The following NRG1 variants were observed in gnomAD, a reference collection of about 807,000 sequenced individuals.
NRG1 encodes the protein neuregulin 1.
In NRG1, 18 loss-of-function variants were observed where a neutral mutation model predicts 63.8. That is an observed-to-expected ratio of 0.28 (90% CI 0.19 to 0.42). The LOEUF (loss-of-function observed/expected upper bound fraction) is 0.42, where lower values mean the gene tolerates loss of function less well. NRG1 is among the 10% of genes least tolerant of loss of function. The pLI, the probability that NRG1 is intolerant of heterozygous loss-of-function variation, is 1.00. For missense variants in NRG1, 762 were observed against 814.7 expected (o/e 0.94, Z 0.79); for synonymous variants, 302 against 301.3 (o/e 1.00, Z -0.02).
chr8:31,800,760 G>A (rs1023407553), intron 1 of NRG1, among the ~76,000 whole-genome samples: 1 of 151,112 alleles, frequency 6.6e-6, no homozygotes, highest in African/African-American at 2.4e-5. Context: ...AAAGAAAAAT[G>A]TCGAATTTAA....
intron 1 of NRG1, among the ~76,000 whole-genome samples, chr8:31,962,140 T>C (rs1270135714): frequency 6.6e-6 from 1 of 152,190 alleles, no homozygotes; most frequent in African/African-American, 2.4e-5. Context: ...TAAAATGGCA[T>C]GTTTAGGGAA....
chr8:31,919,672 G>A (rs1008726646), intron 1 of NRG1, among the ~76,000 whole-genome samples: 1 of 152,038 alleles, frequency 6.6e-6, no homozygotes, highest in African/African-American at 2.4e-5. Flanking sequence ...TCACAATGTT[G>A]TGAAGAACAC....
At chr8:32,182,557 C>T (rs1305921378) in intron 1 of NRG1, among the ~76,000 whole-genome samples, 1 of 152,138 alleles carries the variant, frequency 6.6e-6, no homozygotes, top group Non-Finnish European at 1.5e-5. Flanking sequence ...CCACAGGCTT[C>T]ACAGTCAGTA....
intron 1 of NRG1, among the ~76,000 whole-genome samples, chr8:31,884,102 A>G (rs1830550157): frequency 6.6e-6 from 1 of 152,010 alleles, no homozygotes; most frequent in Non-Finnish European, 1.5e-5. Flanking sequence ...CCCCCAATGA[A>G]TTTTTACATT....
At chr8:32,051,906 G>C (rs1169244074) in intron 1 of NRG1, among the ~76,000 whole-genome samples, 3 of 152,174 alleles carry the variant, frequency 2.0e-5, no homozygotes, top group African/African-American at 7.2e-5. Context: ...GCAGCGGGGA[G>C]GTGGATAAGT....
intron 1 of NRG1, among the ~76,000 whole-genome samples, chr8:32,243,373 T>C (rs1051217879): frequency 1.3e-5 from 2 of 150,684 alleles, no homozygotes; most frequent in Admixed American, 1.3e-4. Context: ...GACGTTGCAG[T>C]GAGCTGAGAT....
intron 1 of NRG1, among the ~76,000 whole-genome samples, chr8:31,874,875 T>C (rs1458478331): frequency 6.6e-6 from 1 of 152,174 alleles, no homozygotes; most frequent in Non-Finnish European, 1.5e-5. Flanking sequence ...TCCTTTGTGA[T>C]GAATCAGATG....
chr8:32,282,732 C>A (rs772255128), intron 1 of NRG1, among the ~76,000 whole-genome samples: 1 of 152,028 alleles, frequency 6.6e-6, no homozygotes, highest in Admixed American at 6.5e-5. Context: ...ACCCACCTGG[C>A]CTTTAATAGA....
intron 1 of NRG1, among the ~76,000 whole-genome samples, chr8:31,899,001 T>G (rs746229669): frequency 1.3e-4 from 20 of 152,196 alleles, no homozygotes; most frequent in Admixed American, 8.5e-4. Context: ...CAAAATGTAT[T>G]CAGATTGGCT....
chr8:32,060,743 TC>T (rs1823711460), intron 1 of NRG1, among the ~76,000 whole-genome samples: 1 of 151,942 alleles, frequency 6.6e-6, no homozygotes, highest in Non-Finnish European at 1.5e-5. Flanking sequence ...ACCCTTGGAC[TC>T]CCTGAAGTTT....
intron 1 of NRG1, among the ~76,000 whole-genome samples, chr8:32,045,746 A>C (rs1820896928): frequency 1.3e-5 from 2 of 151,986 alleles, no homozygotes; most frequent in South Asian, 4.1e-4. Context: ...GAACAATAGG[A>C]AACAATTGGT....
intron 1 of NRG1, among the ~76,000 whole-genome samples, chr8:32,465,894 A>G: frequency 6.6e-6 from 1 of 152,230 alleles, no homozygotes; most frequent in East Asian, 1.9e-4. Context: ...GTATATTTAC[A>G]ATAGAAAAAA....
chr8:32,397,524 C>CAAA (rs58798252), intron 1 of NRG1, among the ~76,000 whole-genome samples: 12 of 139,260 alleles, frequency 8.6e-5, no homozygotes, highest in African/African-American at 1.3e-4. Flanking sequence ...GACTTAACAT[C>CAAA]AAAAAAAAAA....
At chr8:31,906,564 T>G (rs1832536982) in intron 1 of NRG1, among the ~76,000 whole-genome samples, 1 of 152,184 alleles carries the variant, frequency 6.6e-6, no homozygotes, top group African/African-American at 2.4e-5. Context: ...ATATTCTTTT[T>G]CATGTGCACT....
intron 1 of NRG1, among the ~76,000 whole-genome samples, chr8:32,563,971 C>A (rs1272124990): frequency 6.6e-6 from 1 of 152,110 alleles, no homozygotes; most frequent in African/African-American, 2.4e-5. Context: ...TGTATCTATT[C>A]TCCTCTCGAT....
At chr8:32,141,604 A>T (rs1210824211) in intron 1 of NRG1, among the ~76,000 whole-genome samples, 1 of 108,170 alleles carries the variant, frequency 9.2e-6, no homozygotes, top group Non-Finnish European at 2.1e-5. Flanking sequence ...ATATATATAT[A>T]TATATATATA....
At chr8:31,655,566 C>T (rs1478142346) in intron 1 of NRG1, among the ~76,000 whole-genome samples, 1 of 152,164 alleles carries the variant, frequency 6.6e-6, no homozygotes, top group Non-Finnish European at 1.5e-5. Flanking sequence ...AAGTAAGGAA[C>T]AATCAGACGA....
At chr8:31,782,302 A>G (rs1055205796) in intron 1 of NRG1, among the ~76,000 whole-genome samples, 2 of 152,036 alleles carry the variant, frequency 1.3e-5, no homozygotes, top group Admixed American at 1.3e-4. Flanking sequence ...TACTTCCTTC[A>G]GATTTTCGCT....
rs1021175253 is a variant in NRG1 at position 32,393,559 on chromosome 8, A to G, written c.38-202269A>G. Among the ~76,000 whole-genome samples, 14 of 152,244 alleles carry G rather than the reference A, an allele frequency of 9.2e-5. No homozygotes were observed. The East Asian group carries it at 1.2e-3, about 13-fold the overall frequency. Reference sequence around the variant, plus strand: ...CATGGAATACTATGCAGCCATAAAAAGAACAAATTTATGTCCTTTACAGGA... The same window carrying G: ...CATGGAATACTATGCAGCCATAAAAGGAACAAATTTATGTCCTTTACAGGA... On this transcript the variant is annotated intron_variant, in intron 1 of 10. Transcript: ENST00000519301.
Sources: gnomAD v4.1 joint callset for allele counts (sites outside exome capture counted in the v4.1 genomes callset) on GRCh38, gnomAD v4.1.1 for gene constraint, MANE v1.5 for transcripts, NCBI Gene and HGNC (gene_info 2026-07-23, HGNC 2026-07-21) for gene names.